The following ENOX1 variants were observed in gnomAD, a reference collection of about 807,000 sequenced individuals.
ENOX1 encodes candidate growth-related and time keeping constitutive hydroquinone (NADH) oxidase.
Under a neutral mutation model 82.5 loss-of-function variants are expected in ENOX1, and 42 were observed. That is an observed-to-expected ratio of 0.51 (90% CI 0.40 to 0.66). The LOEUF is 0.66. Among genes scored for constraint, ENOX1 ranks in the 30% least tolerant of loss-of-function variants. ENOX1 has a pLI of 0.00. For synonymous variants in ENOX1, 271 were observed against 282.2 expected, an observed-to-expected ratio of 0.96 and a Z score of 0.40; for missense variants, 608 against 811.6, an observed-to-expected ratio of 0.75 and a Z score of 3.05.
At chr13:43,676,511 C>T (rs180797981) in intron 1 of ENOX1, among the ~76,000 whole-genome samples, 6 of 152,232 alleles carry the variant, frequency 3.9e-5, no homozygotes, top group Non-Finnish European at 5.9e-5. Flanking sequence ...AAGGGGTGTC[C>T]GCCTCTATGT....
chr13:43,698,736 A>T (rs191616596), intron 1 of ENOX1, among the ~76,000 whole-genome samples: 102 of 152,320 alleles, frequency 6.7e-4, no homozygotes, highest in African/African-American at 2.3e-3. Context: ...GAAAACTGCA[A>T]ATAGCACATG....
chr13:43,673,073 C>T (rs2085342088), intron 1 of ENOX1, among the ~76,000 whole-genome samples: 1 of 152,032 alleles, frequency 6.6e-6, no homozygotes. Context: ...CTTCTATTCC[C>T]ATCTCAATAA....
Position 43,569,129 on chromosome 13 carries a change from C to T in ENOX1, c.-218-84977G>A, listed in dbSNP as rs559263918. Among the ~76,000 whole-genome samples the T allele has an allele frequency of 1.6e-4, 25 of 152,306 alleles. No individual in the cohort carries two copies. The East Asian group carries it at 4.8e-3, about 29-fold the overall frequency. On this transcript the variant is annotated intron_variant, in intron 2 of 16. Coordinates refer to ENST00000690772, the MANE Select transcript of ENOX1 (RefSeq NM_001347969.2). ...TTAGATAGAAATGCAGCCATCCGCT[C>T]ACTTACCTTTTATCTGAAATACTTC... is the stretch of plus-strand genomic sequence containing the variant.
intron 2 of ENOX1, among the ~76,000 whole-genome samples, chr13:43,633,178 T>C (rs143077310): frequency 6.5e-4 from 99 of 152,292 alleles, no homozygotes; most frequent in Middle Eastern, 3.4e-3. Context: ...TCAAACTCAC[T>C]ACTAACCATG....
chr13:43,392,521 A>G (rs139844581), intron 5 of ENOX1, among the ~76,000 whole-genome samples: 3,378 of 152,252 alleles, frequency 0.022, 133 homozygotes, highest in African/African-American at 0.076. Flanking sequence ...TCTACTAAAA[A>G]TACAAAAAAT....
intron 9 of ENOX1, among the ~76,000 whole-genome samples, chr13:43,329,231 T>C (rs1333660544): frequency 6.6e-6 from 1 of 152,178 alleles, no homozygotes; most frequent in Non-Finnish European, 1.5e-5. Context: ...AGACCATGTA[T>C]GCTAACTCTG....
intron 12 of ENOX1, among the ~76,000 whole-genome samples, chr13:43,271,980 A>G (rs1566388464): frequency 6.6e-6 from 1 of 151,958 alleles, no homozygotes; most frequent in Non-Finnish European, 1.5e-5. Context: ...CCATGTTACT[A>G]TTTTTTTGTT....
At chr13:43,713,569 T>G (rs2087889166) in intron 1 of ENOX1, among the ~76,000 whole-genome samples, 1 of 152,192 alleles carries the variant, frequency 6.6e-6, no homozygotes, top group South Asian at 2.1e-4. Flanking sequence ...GGCAAGCTAT[T>G]GATTATTGCC....
chr13:43,306,680 A>G (rs4245319), intron 11 of ENOX1, among the ~76,000 whole-genome samples: 145,130 of 152,282 alleles, frequency 0.95, 69,581 homozygotes, highest in East Asian at 1. Flanking sequence ...TTTCTCACCA[A>G]TCTACAGTAT....
chr13:43,301,460 T>C (rs1488303444), intron 11 of ENOX1, among the ~76,000 whole-genome samples: 4 of 152,136 alleles, frequency 2.6e-5, no homozygotes, highest in Non-Finnish European at 5.9e-5. Flanking sequence ...AGAGTTCTTA[T>C]TCTTGGCTAA....
chr13:43,303,824 G>T lies in ENOX1; in HGVS notation c.1262-5294C>A, dbSNP rs115410094. Among the ~76,000 whole-genome samples, 491 of 152,256 alleles carry T rather than the reference G, an allele frequency of 3.2e-3. 2 individuals are homozygous for T. The highest frequency in any genetic ancestry group is 0.011 in the African/African-American group (471 of 41,540). ...CTACCCTCAGTTTCCAGTTCAGTTT[G>T]TCTGGGAGGAAGCCCAAGAATTAGC... On this transcript the variant is annotated intron_variant, in intron 11 of 16. Coordinates refer to ENST00000690772, the MANE Select transcript of ENOX1 (RefSeq NM_001347969.2).
Position 43,470,377 on chromosome 13 carries a change from C to CATATATATGTATATATATGT in ENOX1, c.-75+13631_-75+13632insACATATATATACATATATAT, listed in dbSNP as rs2058003442. ...ATGTATATATATACGTATATATATA[C>CATATATATGTATATATATGT]ATATATATACGTATATATATGTGTA... On this transcript the variant is annotated intron_variant, in intron 3 of 16. Transcript: ENST00000690772. Among the ~76,000 whole-genome samples the CATATATATGTATATATATGT allele has an allele frequency of 1.1e-3, 30 of 27,050 alleles. 1 individual carries two copies. The highest frequency in any genetic ancestry group is 2.1e-3 in the South Asian group (1 of 482). The allele number at this position is 27,050 out of a possible 152,430, so 17.7% of individuals were successfully genotyped here. A position where few individuals can be genotyped will look rare whatever the true frequency, so the allele number is the denominator to read the frequency against.
chr13:43,651,695 T>TAAAAAAAAAA (rs57810969), intron 2 of ENOX1, among the ~76,000 whole-genome samples: 12 of 96,936 alleles, frequency 1.2e-4, no homozygotes, highest in Admixed American at 2.3e-4. Context: ...AGACTCTGTC[T>TAAAAAAAAAA]AAAAAAAAAA....
chr13:43,598,728 T>C (rs534406189), intron 2 of ENOX1, among the ~76,000 whole-genome samples: 2 of 152,314 alleles, frequency 1.3e-5, no homozygotes, highest in South Asian at 2.1e-4. Flanking sequence ...TGTTCAAAAC[T>C]GTAGAAAAAT....
chr13:43,541,865 G>T (rs950971707), intron 2 of ENOX1, among the ~76,000 whole-genome samples: 1 of 152,104 alleles, frequency 6.6e-6, no homozygotes, highest in East Asian at 1.9e-4. Flanking sequence ...AAAATAAAAA[G>T]ATAAAGTTTC....
Position 43,484,121 on chromosome 13 carries a change from A to G in ENOX1, c.-187T>C. ...GCTCTTCACAAAGGAAGTCTCATGG[A>G]AGACAGCATGGTTCTGACATATCAG... On this transcript the variant is annotated 5_prime_UTR_variant, in exon 3 of 17. Coordinates refer to ENST00000690772, the MANE Select transcript of ENOX1 (RefSeq NM_001347969.2). 1 of 985,512 alleles carries G rather than the reference A, an allele frequency of 1.0e-6. No homozygotes were observed. The highest frequency in any genetic ancestry group is 1.2e-6 in the Non-Finnish European group (1 of 829,906). The allele number at this position is 985,512 out of a possible 1,614,324, so 61.0% of individuals were successfully genotyped here.
rs1377847132 is a variant in ENOX1, at chr13:43,494,835, A to T, written c.-218-10683T>A. On this transcript the variant is annotated intron_variant, in intron 2 of 16. Transcript: ENST00000690772. ...TATTTGAATAGGTCAGTTAGACAGCAGTGGAAATATAAAAGTAGGGTTGGA... is the reference window on the plus strand; with the variant it reads ...TATTTGAATAGGTCAGTTAGACAGCTGTGGAAATATAAAAGTAGGGTTGGA... Among the ~76,000 whole-genome samples the T allele has an allele frequency of 2.0e-5, 3 of 152,192 alleles. No individual in the cohort carries two copies. The East Asian group carries it at 5.8e-4, about 29-fold the overall frequency.
chr13:43,460,772 C>T (rs9594948), intron 3 of ENOX1, among the ~76,000 whole-genome samples: 26,700 of 128,426 alleles, frequency 0.21, 3,191 homozygotes, highest in Middle Eastern at 0.36. Context: ...CCAGCCCGGG[C>T]GACAGAGCGA....
chr13:43,362,353 A>G (rs984713486), intron 5 of ENOX1, among the ~76,000 whole-genome samples: 1 of 152,054 alleles, frequency 6.6e-6, no homozygotes, highest in African/African-American at 2.4e-5. Flanking sequence ...CCACAAGGGG[A>G]TCCCGTTCAT....
Sources: allele counts gnomAD v4.1 joint callset (sites outside exome capture counted in the v4.1 genomes callset), GRCh38; gene constraint gnomAD v4.1.1; transcripts MANE v1.5; gene names NCBI Gene and HGNC (gene_info 2026-07-23, HGNC 2026-07-21).